ZNF705A: variants seen among roughly 807,000 people sequenced by gnomAD.
ZNF705A encodes zinc finger protein 705A.
Under a neutral mutation model 16.6 loss-of-function variants are expected in ZNF705A, and 8 were observed. That is an observed-to-expected ratio of 0.48 (90% confidence interval 0.28 to 0.87). The LOEUF (loss-of-function observed/expected upper bound fraction) is 0.87. ZNF705A is among the 40% of genes least tolerant of loss of function. ZNF705A has a pLI of 0.10. For missense variants in ZNF705A, 233 were observed against 359.9 expected (o/e 0.65, Z 2.85); for synonymous variants, 73 against 117.3 (o/e 0.62, Z 2.44).
upstream of ZNF705A, chr12:8,157,029 C>A (rs1948315860): frequency 2.5e-6 from 1 of 397,910 alleles, no homozygotes; most frequent in African/African-American, 2.1e-5. Flanking sequence ...CGTCAAAAAT[C>A]TGCATAATGG....
intron 4 of ZNF705A, among the ~76,000 whole-genome samples, chr12:8,176,347 C>T (rs972286467): frequency 3.9e-5 from 6 of 152,080 alleles, no homozygotes; most frequent in African/African-American, 1.4e-4. Flanking sequence ...AGGACATGCA[C>T]CCAGGGGACA....
At chr12:8,159,382 G>A (rs900450964) in intron 1 of ZNF705A, among the ~76,000 whole-genome samples, 2 of 152,114 alleles carry the variant, frequency 1.3e-5, no homozygotes, top group African/African-American at 4.8e-5. Context: ...GTTCTTTAAG[G>A]AATCTTCACA....
Position 8,172,648 on chromosome 12 carries a change from G to C in ZNF705A, c.12+11G>C. ...ACAATGCATTCACTAGTGAGTAGGG[G>C]ATGCTTCTTTCTACTGAAATTATAC... On this transcript the variant is annotated intron_variant, in intron 1 of 4. Coordinates refer to ENST00000359286, the Ensembl canonical transcript of ZNF705A. 1.9e-6 allele frequency: 3 copies of C among 1,596,406 alleles called. No homozygotes were observed. The highest frequency in any genetic ancestry group is 2.5e-6 in the Non-Finnish European group (3 of 1,179,726).
intron 1 of ZNF705A, among the ~76,000 whole-genome samples, chr12:8,164,111 TA>T (rs1948379535): frequency 6.6e-6 from 1 of 152,170 alleles, no homozygotes; most frequent in Admixed American, 6.5e-5. Context: ...ATACAAAATC[TA>T]CCCTTTTAGC....
upstream of ZNF705A, among the ~76,000 whole-genome samples, chr12:8,168,320 G>C (rs1202063754): frequency 6.6e-6 from 1 of 152,186 alleles, no homozygotes; most frequent in South Asian, 2.1e-4. Flanking sequence ...CTAGTGGGTA[G>C]GGGAAGAGCC....
intron 1 of ZNF705A, among the ~76,000 whole-genome samples, chr12:8,159,662 G>C (rs113629938): frequency 3.3e-5 from 5 of 151,416 alleles, no homozygotes; most frequent in Non-Finnish European, 7.4e-5. Flanking sequence ...GGGATTGTTT[G>C]TTTTCTTTTT....
chr12:8,157,847 G>A (rs1220327762), intron 1 of ZNF705A, among the ~76,000 whole-genome samples: 1 of 152,084 alleles, frequency 6.6e-6, no homozygotes, highest in Non-Finnish European at 1.5e-5. Context: ...CAAAGTGAGG[G>A]CAGAAGCCAG....
intron 1 of ZNF705A, among the ~76,000 whole-genome samples, chr12:8,165,982 G>A (rs1321571503): frequency 2.0e-5 from 3 of 152,150 alleles, no homozygotes; most frequent in Admixed American, 6.5e-5. Flanking sequence ...ATATATGAGT[G>A]CACACATCTT....
exon 5 of ZNF705A, chr12:8,177,664 A>G: frequency 6.3e-7 from 1 of 1,575,260 alleles, no homozygotes; most frequent in South Asian, 1.2e-5. Context: ...CTAGTCTTAA[A>G]TAGCATCAGA....
chr12:8,178,263 A>C (rs1302471963), exon 5 of ZNF705A: 3 of 153,446 alleles, frequency 2.0e-5, no homozygotes, highest in South Asian at 2.1e-4. Flanking sequence ...ATAAGAAGGG[A>C]AAGTCTTTCC....
chr12:8,177,678 T>C, exon 5 of ZNF705A: 1 of 1,554,102 alleles, frequency 6.4e-7, no homozygotes, highest in Non-Finnish European at 8.7e-7. Context: ...CATCAGAAAA[T>C]TCACGCTGGA....
chr12:8,175,821 A>G (rs764997885), intron 3 of ZNF705A, 39 bp from the exon 5 acceptor site: 2 of 1,610,562 alleles, frequency 1.2e-6, no homozygotes, highest in Non-Finnish European at 1.7e-6. Context: ...TTTTATTACC[A>G]TAATACCAAT....
chr12:8,160,081 G>A (rs1948341739), intron 1 of ZNF705A, among the ~76,000 whole-genome samples: 1 of 152,026 alleles, frequency 6.6e-6, no homozygotes, highest in African/African-American at 2.4e-5. Context: ...TGAAAAGGGT[G>A]TTCTTTCCCC....
chr12:8,162,756 C>T (rs1014805850), intron 1 of ZNF705A, among the ~76,000 whole-genome samples: 10 of 152,286 alleles, frequency 6.6e-5, no homozygotes, highest in African/African-American at 1.9e-4. Flanking sequence ...AAGCCCATCA[C>T]GTGAGAGATA....
intron 1 of ZNF705A, among the ~76,000 whole-genome samples, chr12:8,163,021 G>A (rs759966087): frequency 6.6e-6 from 1 of 152,312 alleles, no homozygotes; most frequent in East Asian, 1.9e-4. Context: ...GTTGAATCAT[G>A]TGGCTATCTA....
intron 1 of ZNF705A, among the ~76,000 whole-genome samples, chr12:8,158,899 TTTTGGTG>T (rs1231045792): frequency 1.6e-4 from 25 of 152,246 alleles, no homozygotes; most frequent in Admixed American, 3.3e-4. Flanking sequence ...ATTTGTGAGA[TTTTGGTG>T]CACCCATCTC....
At chr12:8,179,211 T>C (rs902072008) in exon 5 of ZNF705A, 3 of 152,152 alleles carry the variant, frequency 2.0e-5, no homozygotes, top group African/African-American at 7.2e-5. Flanking sequence ...TAGCAGTTCA[T>C]CTCATGACAC....
At chr12:8,170,195 C>CA (rs1565415073), upstream of ZNF705A, among the ~76,000 whole-genome samples, 6 of 126,238 alleles carry the variant, frequency 4.8e-5, no homozygotes, top group Non-Finnish European at 7.7e-5. Flanking sequence ...CCCCCCCCCC[C>CA]CAAAAAAAAA....
intron 1 of ZNF705A, among the ~76,000 whole-genome samples, chr12:8,163,796 C>T (rs1035897087): frequency 1.3e-5 from 2 of 152,160 alleles, no homozygotes; most frequent in Non-Finnish European, 2.9e-5. Flanking sequence ...GCTGCTAAAT[C>T]CCCACCTATC....
Sources: gnomAD v4.1 joint callset for allele counts (sites outside exome capture counted in the v4.1 genomes callset) on GRCh38, gnomAD v4.1.1 for gene constraint, MANE v1.5 for transcripts, NCBI Gene and HGNC (gene_info 2026-07-23, HGNC 2026-07-21) for gene names.